The following THADA variants were observed in gnomAD, a reference collection of about 807,000 sequenced individuals.
THADA encodes the protein THADA armadillo repeat containing.
In THADA, 213 loss-of-function variants were observed where a neutral mutation model predicts 219.8. That is an observed-to-expected ratio of 0.97 (90% confidence interval 0.87 to 1.09). The LOEUF (loss-of-function observed/expected upper bound fraction) is 1.09. Among genes scored for constraint, THADA ranks in the 50% least tolerant of loss-of-function variants. The pLI is 0.00. For missense variants in THADA, 2,956 were observed against 2,311.3 expected (o/e 1.28, Z -5.72); for synonymous variants, 1,018 against 828.9 (o/e 1.23, Z -3.92).
intron 26 of THADA, among the ~76,000 whole-genome samples, chr2:43,477,563 C>T (rs1170705711): frequency 6.6e-6 from 1 of 152,226 alleles, no homozygotes; most frequent in Non-Finnish European, 1.5e-5. Context: ...TCACATTCTC[C>T]ATGCCCACCA....
At chr2:43,495,387 G>T (rs949586427) in intron 25 of THADA, among the ~76,000 whole-genome samples, 1 of 151,838 alleles carries the variant, frequency 6.6e-6, no homozygotes, top group African/African-American at 2.4e-5. Flanking sequence ...AAATTAGAAA[G>T]AAAATAAAAA....
At chr2:43,467,196 A>C (rs900944149) in intron 26 of THADA, among the ~76,000 whole-genome samples, 5 of 150,824 alleles carry the variant, frequency 3.3e-5, no homozygotes, top group South Asian at 4.2e-4. Context: ...AAAAAAAAAA[A>C]AAAAAAAAAA....
At chr2:43,344,492 T>G (rs1330990506) in intron 29 of THADA, among the ~76,000 whole-genome samples, 1 of 152,170 alleles carries the variant, frequency 6.6e-6, no homozygotes, top group Admixed American at 6.5e-5. Context: ...GGCCCAACAA[T>G]CATCTGCCAC....
At chr2:43,456,145 C>A (rs1339286475) in intron 26 of THADA, among the ~76,000 whole-genome samples, 1 of 152,118 alleles carries the variant, frequency 6.6e-6, no homozygotes, top group Non-Finnish European at 1.5e-5. Flanking sequence ...TCCAAGTAGT[C>A]TTAAAAATGT....
intron 4 of THADA, among the ~76,000 whole-genome samples, chr2:43,587,553 T>G (rs1701151057): frequency 6.6e-6 from 1 of 152,144 alleles, no homozygotes; most frequent in South Asian, 2.1e-4. Context: ...CCTTCAAATA[T>G]ACCCAGCAAT....
intron 29 of THADA, among the ~76,000 whole-genome samples, chr2:43,396,945 A>G (rs945676292): frequency 3.0e-4 from 46 of 152,346 alleles, no homozygotes; most frequent in African/African-American, 1.1e-3. Context: ...AATAACAATA[A>G]TGACTGTCTA....
At chr2:43,397,775 A>G (rs977353092) in intron 29 of THADA, among the ~76,000 whole-genome samples, 196 bp downstream of exon 29, 6 of 152,160 alleles carry the variant, frequency 3.9e-5, no homozygotes, top group African/African-American at 1.2e-4. Context: ...GAGAATCACA[A>G]TGTAACACTG....
chr2:43,571,860 T>C lies in THADA; in HGVS notation c.1911A>G (p.Val637=). The C allele has an allele frequency of 3.7e-6, 6 of 1,611,500 alleles. No individual in the cohort carries two copies. Among genetic ancestry groups the C allele is most frequent in the Non-Finnish European group, 3.4e-6 (4 of 1,179,194 alleles). Residue 637 remains valine (V), a splice_region_variant and synonymous_variant, in exon 13 of 38, where the codon GTA becomes GTG. Coordinates refer to ENST00000405975, the MANE Select transcript of THADA (RefSeq NM_022065.5). The stretch of plus-strand genomic sequence containing the variant: ...AAAGCAAGCCTAATGTATCTATCCT[T>C]ACCTAAAAAACATCAAGCAATAAAA... ...KQGLIHQHCQ[V]RIDTLGLLCE...
intron 36 of THADA, among the ~76,000 whole-genome samples, chr2:43,262,378 G>A (rs952784181): frequency 2.0e-5 from 3 of 152,216 alleles, no homozygotes; most frequent in African/African-American, 7.2e-5. Context: ...CATGGATGAA[G>A]AGGTGACCTT....
intron 31 of THADA, 88 bp from the exon 32 acceptor site, chr2:43,293,301 C>G: frequency 7.0e-7 from 1 of 1,432,552 alleles, no homozygotes; most frequent in Non-Finnish European, 9.4e-7. Context: ...GAATCCACTG[C>G]GTGAGGCCAT....
chr2:43,250,917 T>C (rs1375384306), intron 36 of THADA, among the ~76,000 whole-genome samples: 1 of 152,086 alleles, frequency 6.6e-6, no homozygotes, highest in Non-Finnish European at 1.5e-5. Flanking sequence ...CCAGGATGCA[T>C]TCTCCAAAGA....
At chr2:43,548,810 C>A (rs899082824) in intron 20 of THADA, among the ~76,000 whole-genome samples, 43 of 152,258 alleles carry the variant, frequency 2.8e-4, no homozygotes, top group Non-Finnish European at 3.8e-4. Context: ...TCCCTGACCC[C>A]TTGCGCTTCC....
In THADA at chr2:43,329,106, G is replaced by A. The variant is rs1038773631; in HGVS notation, c.4344-8566C>T. Among the ~76,000 whole-genome samples, 4 of 152,270 alleles carry A rather than the reference G, an allele frequency of 2.6e-5. No individual in the cohort carries two copies. In the East Asian group the frequency reaches 7.7e-4, roughly 29 times the overall value. ...TTTTTATTCCTTTTACGAGAGATGC[G>A]TGTTTCCCTCCCTCTGTGACTTGTT... is the stretch of plus-strand genomic sequence containing the variant. On this transcript the variant is annotated intron_variant, in intron 30 of 37. Coordinates refer to ENST00000405975, the MANE Select transcript of THADA (RefSeq NM_022065.5).
intron 26 of THADA, among the ~76,000 whole-genome samples, chr2:43,483,053 A>G (rs967776317): frequency 6.6e-6 from 1 of 152,202 alleles, no homozygotes; most frequent in African/African-American, 2.4e-5. Flanking sequence ...CATTAGATGG[A>G]AAAAGCAGAT....
chr2:43,415,733 C>T (rs2104773167), intron 28 of THADA, among the ~76,000 whole-genome samples: 1 of 151,994 alleles, frequency 6.6e-6, no homozygotes, highest in East Asian at 1.9e-4. Context: ...ATATCTAGGG[C>T]CCTCGTGACG....
At chr2:43,481,633 A>G (rs1354751479) in intron 26 of THADA, among the ~76,000 whole-genome samples, 1 of 152,230 alleles carries the variant, frequency 6.6e-6, no homozygotes, top group African/African-American at 2.4e-5. Context: ...TCCTATTTGT[A>G]TCTGACTCAC....
intron 15 of THADA, chr2:43,564,406 T>C (rs560276609): frequency 6.6e-6 from 1 of 152,416 alleles, no homozygotes; most frequent in South Asian, 2.1e-4. Context: ...AGGCATTCCA[T>C]GGCCTGTAGC....
chr2:43,348,656 A>G (rs1050610175), intron 29 of THADA, among the ~76,000 whole-genome samples: 2 of 152,110 alleles, frequency 1.3e-5, no homozygotes, highest in Non-Finnish European at 2.9e-5. Flanking sequence ...AGGGCTTGGC[A>G]ACTGCTTTAG....
In THADA at chr2:43,397,961, C is replaced by A. The variant is rs767117986; in HGVS notation, c.4227+10G>T. Reference sequence around the variant, plus strand: ...GTTTGACAGAAGTCACACAAAGCAACTTTACTTACCTGGAGAAGTGTCCCA... The same window carrying A: ...GTTTGACAGAAGTCACACAAAGCAAATTTACTTACCTGGAGAAGTGTCCCA... On this transcript the variant is annotated intron_variant, in intron 29 of 37. Transcript: ENST00000405975. The A allele has an allele frequency of 1.9e-6, 3 of 1,613,528 alleles. No homozygotes were observed. Among genetic ancestry groups the A allele is most frequent in the South Asian group, 2.2e-5 (2 of 91,012 alleles).
Sources: gnomAD v4.1 joint callset for allele counts (sites outside exome capture counted in the v4.1 genomes callset) on GRCh38, gnomAD v4.1.1 for gene constraint, MANE v1.5 for transcripts, NCBI Gene and HGNC (gene_info 2026-07-23, HGNC 2026-07-21) for gene names.